The following GABRB3 variants were observed in gnomAD, a reference collection of about 807,000 sequenced individuals.
GABRB3 encodes gamma-aminobutyric acid type A receptor subunit beta3, also known as gamma-aminobutyric acid receptor subunit beta-3.
A neutral mutation model predicts 52.1 loss-of-function variants in GABRB3; 14 were observed. The ratio of observed to expected loss-of-function variants is 0.27; its 90% confidence interval spans 0.18 to 0.42. The LOEUF is 0.42. Among genes scored for constraint, GABRB3 ranks in the 10% least tolerant of loss-of-function variants. The probability of loss-of-function intolerance (pLI) is 1.00; values close to 1 mark genes in which losing one functional copy is unlikely to be tolerated. For synonymous variants in GABRB3, 260 were observed against 232.3 expected (o/e 1.12, Z -1.08); for missense variants, 307 against 609.1 (o/e 0.50, Z 5.22).
rs71130258 is a variant in GABRB3, at chr15:26,554,176, G to GTATATATATATATATATATATATA, written c.1081-6043_1081-6042insTATATATATATATATATATATATA. Reference sequence around the variant, plus strand: ...TATATATAAAGTATATATATATAAAGTATATATATATATACTATATATATA... The same window carrying GTATATATATATATATATATATATA: ...TATATATAAAGTATATATATATAAAGTATATATATATATATATATATATATATATATATATATACTATATATATA... On this transcript the variant is annotated intron_variant, in intron 8 of 8. Transcript: ENST00000311550. Among the ~76,000 whole-genome samples the GTATATATATATATATATATATATA allele has an allele frequency of 7.1e-3, 195 of 27,342 alleles. 17 individuals carry two copies. Among genetic ancestry groups the GTATATATATATATATATATATATA allele is most frequent in the South Asian group, 0.028 (17 of 606 alleles). The allele number at this position is 27,342 out of a possible 152,430, so 17.9% of individuals were successfully genotyped here. A position where few individuals can be genotyped will look rare whatever the true frequency, so the allele number is the denominator to read the frequency against.
In GABRB3 at chr15:26,760,809, G is replaced by GCACA. The variant is rs10522762; in HGVS notation, c.240+11589_240+11592dup. 2.1e-3 allele frequency among the ~76,000 whole-genome samples: 321 copies of GCACA among 149,398 alleles called. 1 individual carries two copies. The highest frequency in any genetic ancestry group is 7.3e-3 in the African/African-American group (296 of 40,482). On this transcript the variant is annotated intron_variant, in intron 3 of 8. Coordinates refer to ENST00000311550, the MANE Select transcript of GABRB3 (RefSeq NM_000814.6). Reference sequence around the variant, plus strand: ...AATGCCAACACACACACACGCGCACGCACACACACACACACACAAGCAAAC... The same window carrying GCACA: ...AATGCCAACACACACACACGCGCACGCACACACACACACACACACACAAGCAAAC...
chr15:26,667,657 C>T (rs1887758018), intron 3 of GABRB3, among the ~76,000 whole-genome samples: 2 of 152,206 alleles, frequency 1.3e-5, no homozygotes, highest in Non-Finnish European at 2.9e-5. Context: ...ATTCCTTCTG[C>T]TGTGGTCTCA....
intron 3 of GABRB3, among the ~76,000 whole-genome samples, chr15:26,728,330 T>A (rs1889824639): frequency 6.6e-6 from 1 of 152,182 alleles, no homozygotes; most frequent in Admixed American, 6.5e-5. Flanking sequence ...TTCCCACACA[T>A]ATGGAGACTC....
At position 26,621,471 on chromosome 15, in the gene GABRB3, T is replaced by G; in HGVS notation, c.304A>C (p.Ile102Leu). The G allele has an allele frequency of 6.2e-7, 1 of 1,614,142 alleles. No individual in the cohort carries two copies. Among genetic ancestry groups the G allele is most frequent in the Non-Finnish European group, 8.5e-7 (1 of 1,180,000 alleles). ...TTGTCAAGCGTGAGGTTGAGAGGGA[T>G]CCCAGAATAGGCGAGCCTTTTATCT... ...WRDKRLAYSG[I>L]PLNLTLDNRV... Residue 102 changes from isoleucine (I) to leucine (L), a missense_variant, in exon 4 of 9, where the codon ATC (isoleucine) becomes CTC (leucine). Around this residue, in one of 6 missense-constraint regions of GABRB3, gnomAD observed 31 missense variants for 71.2 expected, o/e 0.44. Coordinates refer to ENST00000311550, the MANE Select transcript of GABRB3 (RefSeq NM_000814.6). This position sits in a 1 kb window ranked among gnomAD's most constrained non-coding sequence, Gnocchi z 4.1.
intron 6 of GABRB3, among the ~76,000 whole-genome samples, chr15:26,572,864 A>G (rs1186705470): frequency 6.6e-6 from 1 of 152,220 alleles, no homozygotes; most frequent in Admixed American, 6.5e-5. Flanking sequence ...GTTCCAAGGC[A>G]GGGATTCCTT....
chr15:26,766,303 C>A (rs1476878797), intron 3 of GABRB3, among the ~76,000 whole-genome samples: 2 of 152,168 alleles, frequency 1.3e-5, no homozygotes, highest in Non-Finnish European at 2.9e-5. Context: ...GAAGAGCTGT[C>A]ACCCATATTA....
At chr15:26,713,341 G>A (rs778507073) in intron 3 of GABRB3, among the ~76,000 whole-genome samples, 44 of 152,164 alleles carry the variant, frequency 2.9e-4, no homozygotes, top group Non-Finnish European at 6.2e-4. Context: ...AGAATGTGGC[G>A]GGCAGAGAGA....
chr15:26,634,358 C>G (rs562319812), intron 3 of GABRB3, among the ~76,000 whole-genome samples: 19 of 152,280 alleles, frequency 1.2e-4, no homozygotes, highest in African/African-American at 4.3e-4. Context: ...CAACCCAACC[C>G]AAACCAGAAG....
At chr15:26,638,644 C>T (rs1315682562) in intron 3 of GABRB3, among the ~76,000 whole-genome samples, 1 of 152,120 alleles carries the variant, frequency 6.6e-6, no homozygotes, top group Non-Finnish European at 1.5e-5. Context: ...GTTCCAAGAC[C>T]CACCCCAGTT....
upstream of GABRB3, chr15:26,773,586 G>T: frequency 7.1e-7 from 1 of 1,412,732 alleles, no homozygotes; most frequent in Non-Finnish European, 9.7e-7. Flanking sequence ...CTGCCCGCCG[G>T]ACTGCGGGCC....
chr15:26,712,577 C>T (rs1889333810), intron 3 of GABRB3, among the ~76,000 whole-genome samples: 1 of 152,054 alleles, frequency 6.6e-6, no homozygotes. Context: ...ACTCCAGAAT[C>T]CTATTGTGGA....
intron 4 of GABRB3, among the ~76,000 whole-genome samples, chr15:26,602,103 G>T (rs1030856943): frequency 2.0e-5 from 3 of 152,094 alleles, no homozygotes; most frequent in African/African-American, 7.2e-5. Flanking sequence ...AAGAGCAAGA[G>T]TACCTGTACA....
intron 3 of GABRB3, among the ~76,000 whole-genome samples, chr15:26,688,151 A>G (rs1342408750): frequency 6.6e-6 from 1 of 152,216 alleles, no homozygotes; most frequent in Non-Finnish European, 1.5e-5. Flanking sequence ...CATAGTTTGG[A>G]GTCAATGGCA....
chr15:26,598,043 G>T lies in GABRB3; in HGVS notation c.462-14629C>A, dbSNP rs374079046. Among the ~76,000 whole-genome samples, 7 of 152,264 alleles carry T rather than the reference G, an allele frequency of 4.6e-5. No individual in the cohort carries two copies. In the South Asian group the frequency reaches 6.2e-4, roughly 14 times the overall value. On this transcript the variant is annotated intron_variant, in intron 4 of 8. Coordinates refer to ENST00000311550, the MANE Select transcript of GABRB3 (RefSeq NM_000814.6). ...AAATCTGAATTTAGTATTAAACACT[G>T]AACTGAGAATACCTGTGTAACATAA...
intron 4 of GABRB3, among the ~76,000 whole-genome samples, chr15:26,586,804 G>C (rs890794457): frequency 1.3e-5 from 2 of 151,424 alleles, no homozygotes; most frequent in African/African-American, 2.4e-5. Flanking sequence ...GGCCCAGAAA[G>C]ACAAATATCA....
upstream of GABRB3, among the ~76,000 whole-genome samples, chr15:26,773,354 G>T (rs1891214951): frequency 6.6e-6 from 1 of 150,864 alleles, no homozygotes; most frequent in South Asian, 2.1e-4. Context: ...CGCTGCGAGC[G>T]GAGCCGCGGC....
At chr15:26,594,227 T>C (rs1213094707) in intron 4 of GABRB3, among the ~76,000 whole-genome samples, 1 of 151,848 alleles carries the variant, frequency 6.6e-6, no homozygotes, top group Non-Finnish European at 1.5e-5. Context: ...CAATTTATTT[T>C]GTTCCTTTGA....
chr15:26,734,155 G>A (rs190196195), intron 3 of GABRB3, among the ~76,000 whole-genome samples: 33 of 150,002 alleles, frequency 2.2e-4, no homozygotes, highest in Admixed American at 6.1e-4. Flanking sequence ...TCAGTATCTC[G>A]AGTAGCTGGG....
At chr15:26,549,099 G>A (rs1322970038) in intron 8 of GABRB3, among the ~76,000 whole-genome samples, 6 of 152,136 alleles carry the variant, frequency 3.9e-5, no homozygotes, top group Admixed American at 3.3e-4. Context: ...AGCCTACCCC[G>A]TGTTCCTGTA....
Sources: allele counts gnomAD v4.1 joint callset (sites outside exome capture counted in the v4.1 genomes callset), GRCh38; gene constraint gnomAD v4.1.1; regional missense constraint gnomAD v4.1.1; non-coding constraint Gnocchi (gnomAD v3.1); transcripts MANE v1.5; gene names NCBI Gene and HGNC (gene_info 2026-07-23, HGNC 2026-07-21).